SH3PXD2A: variants seen among roughly 807,000 people sequenced by gnomAD.
SH3PXD2A encodes SH3 and PX domain-containing protein 2A.
SH3PXD2A carries 32 observed loss-of-function variants against 115.2 expected under a neutral mutation model. The ratio of observed to expected loss-of-function variants is 0.28; its 90% CI spans 0.21 to 0.37. The LOEUF (loss-of-function observed/expected upper bound fraction) is 0.37. Among genes scored for constraint, SH3PXD2A ranks in the 10% least tolerant of loss-of-function variants. SH3PXD2A has a pLI of 1.00. For missense variants in SH3PXD2A, 1,328 were observed against 1,498.7 expected, an observed-to-expected ratio of 0.89 and a Z score of 1.88; for synonymous variants, 610 against 629.1, an observed-to-expected ratio of 0.97 and a Z score of 0.45.
intron 1 of SH3PXD2A, among the ~76,000 whole-genome samples, chr10:103,843,708 G>A (rs1842807758): frequency 6.6e-6 from 1 of 152,168 alleles, no homozygotes; most frequent in South Asian, 2.1e-4. Context: ...TTTTATCCAG[G>A]ACCTATGTGA....
intron 1 of SH3PXD2A, among the ~76,000 whole-genome samples, chr10:103,845,902 A>T (rs2134323820): frequency 6.6e-6 from 1 of 152,106 alleles, no homozygotes; most frequent in Admixed American, 6.5e-5. Context: ...ACCAGCCCAC[A>T]CTCCATCAAT....
At chr10:103,830,696 A>G (rs2039475089) in intron 1 of SH3PXD2A, among the ~76,000 whole-genome samples, 1 of 152,222 alleles carries the variant, frequency 6.6e-6, no homozygotes, top group South Asian at 2.1e-4. Flanking sequence ...AATGGATCTT[A>G]TAAATATAGT....
intron 1 of SH3PXD2A, among the ~76,000 whole-genome samples, chr10:103,814,469 C>G (rs2039303445): frequency 6.6e-6 from 1 of 152,186 alleles, no homozygotes; most frequent in South Asian, 2.1e-4. Context: ...TAACGAGTGC[C>G]AGCGATGGGG....
intron 2 of SH3PXD2A, among the ~76,000 whole-genome samples, chr10:103,775,638 G>A (rs951394701): frequency 1.3e-5 from 2 of 152,176 alleles, no homozygotes; most frequent in Admixed American, 1.3e-4. Context: ...CCTTGCTCAC[G>A]GATTCCATGA....
intron 8 of SH3PXD2A, among the ~76,000 whole-genome samples, chr10:103,632,524 G>A (rs973591860): frequency 6.6e-6 from 1 of 152,186 alleles, no homozygotes; most frequent in African/African-American, 2.4e-5. Context: ...TCACGCCAGG[G>A]TTCCTGGAGG....
intron 1 of SH3PXD2A, among the ~76,000 whole-genome samples, chr10:103,839,510 T>C (rs2039576623): frequency 6.6e-6 from 1 of 152,130 alleles, no homozygotes; most frequent in Non-Finnish European, 1.5e-5. Context: ...GAGAGATGCT[T>C]TTATTATCAA....
chr10:103,840,000 C>T (rs2039581682), intron 1 of SH3PXD2A, among the ~76,000 whole-genome samples: 1 of 152,230 alleles, frequency 6.6e-6, no homozygotes, highest in African/African-American at 2.4e-5. Flanking sequence ...GTAAAGGGCT[C>T]CCAACGCCCA....
At chr10:103,686,581 A>G (rs989607363) in intron 6 of SH3PXD2A, among the ~76,000 whole-genome samples, 5 of 151,854 alleles carry the variant, frequency 3.3e-5, no homozygotes, top group African/African-American at 4.8e-5. Context: ...AAACCCCTCA[A>G]AGGGCATCAC....
At chr10:103,805,015 A>G (rs2039187009) in intron 1 of SH3PXD2A, among the ~76,000 whole-genome samples, 1 of 152,174 alleles carries the variant, frequency 6.6e-6, no homozygotes, top group African/African-American at 2.4e-5. Context: ...GGAGGGCCCA[A>G]GAGGCCAATC....
intron 5 of SH3PXD2A, among the ~76,000 whole-genome samples, chr10:103,700,081 G>A (rs946966835): frequency 1.3e-5 from 2 of 152,228 alleles, no homozygotes; most frequent in African/African-American, 4.8e-5. Context: ...AGCACTGTCT[G>A]TCTGTCTCCT....
intron 2 of SH3PXD2A, among the ~76,000 whole-genome samples, chr10:103,776,667 A>G (rs1413677303): frequency 6.6e-6 from 1 of 152,058 alleles, no homozygotes; most frequent in Non-Finnish European, 1.5e-5. Flanking sequence ...TAAGTCATCT[A>G]TGGCATTCCT....
rs1249769551 is a variant in SH3PXD2A, at chr10:103,666,713, A to T, written c.472+1895T>A. On this transcript the variant is annotated intron_variant, in intron 7 of 14. Transcript: ENST00000369774. The surrounding 1 kb of genome is among the most constrained non-coding windows in gnomAD (Gnocchi z 4.5). ...CAATAGCAGTTCCTACCTCATGGGA[A>T]TTGTTCTGAGCACGGAATGAAGTGA... Among the ~76,000 whole-genome samples, 3 of 152,214 alleles carry T rather than the reference A, an allele frequency of 2.0e-5. No individual in the cohort carries two copies. The highest frequency in any genetic ancestry group is 4.4e-5 in the Non-Finnish European group (3 of 68,044).
At chr10:103,643,506 A>G (rs2036985945) in intron 8 of SH3PXD2A, among the ~76,000 whole-genome samples, 1 of 152,234 alleles carries the variant, frequency 6.6e-6, no homozygotes, top group Non-Finnish European at 1.5e-5. Context: ...AAAAACACAT[A>G]CAATGAAACA....
At chr10:103,735,030 A>T (rs74157316) in intron 4 of SH3PXD2A, among the ~76,000 whole-genome samples, 4,735 of 152,294 alleles carry the variant, frequency 0.031, 230 homozygotes, top group African/African-American at 0.1. Flanking sequence ...ATGAAATTAG[A>T]CAGGGCTTCC....
intron 1 of SH3PXD2A, among the ~76,000 whole-genome samples, chr10:103,808,674 T>C (rs1186995064): frequency 6.6e-6 from 1 of 152,204 alleles, no homozygotes; most frequent in East Asian, 1.9e-4. Flanking sequence ...TAGTATGCTT[T>C]CCATGATTAG....
At chr10:103,838,035 G>A (rs2039562727) in intron 1 of SH3PXD2A, among the ~76,000 whole-genome samples, 1 of 152,272 alleles carries the variant, frequency 6.6e-6, no homozygotes, top group Non-Finnish European at 1.5e-5. Context: ...GGAGGCATGG[G>A]CATGGTTAGC....
intron 11 of SH3PXD2A, among the ~76,000 whole-genome samples, chr10:103,615,616 G>C (rs2036507228): frequency 6.6e-6 from 1 of 151,698 alleles, no homozygotes; most frequent in African/African-American, 2.4e-5. Context: ...TTAAGGGGGT[G>C]TCTGGCAGCC....
At chr10:103,835,693 G>T (rs1427103538) in intron 1 of SH3PXD2A, among the ~76,000 whole-genome samples, 1 of 152,044 alleles carries the variant, frequency 6.6e-6, no homozygotes, top group East Asian at 1.9e-4. Flanking sequence ...CCAAGTCTTC[G>T]CTGATTTTCC....
intron 3 of SH3PXD2A, 22 bp downstream of exon 3, chr10:103,767,072 G>C: frequency 6.3e-7 from 1 of 1,599,156 alleles, no homozygotes; most frequent in Non-Finnish European, 8.6e-7. Flanking sequence ...CCCATCCCTG[G>C]GTGGAGCCAC....
Sources: allele counts gnomAD v4.1 joint callset (sites outside exome capture counted in the v4.1 genomes callset), GRCh38; gene constraint gnomAD v4.1.1; non-coding constraint Gnocchi (gnomAD v3.1); transcripts MANE v1.5; gene names NCBI Gene and HGNC (gene_info 2026-07-23, HGNC 2026-07-21).